FILIP1L: variants seen among roughly 807,000 people sequenced by gnomAD.
The protein encoded by FILIP1L is filamin A interacting protein 1 like.
FILIP1L carries 55 observed loss-of-function variants against 96.6 expected under a neutral mutation model. The observed-to-expected ratio is 0.57, with a 90% CI of 0.46 to 0.71. The LOEUF (loss-of-function observed/expected upper bound fraction) is 0.71. FILIP1L is among the 30% of genes least tolerant of loss of function. The probability of loss-of-function intolerance (pLI) is 0.00; values close to 1 mark genes in which losing one functional copy is unlikely to be tolerated. For missense variants in FILIP1L, 1,304 were observed against 1,321.2 expected, an observed-to-expected ratio of 0.99 and a Z score of 0.20; for synonymous variants, 467 against 473.9, an observed-to-expected ratio of 0.99 and a Z score of 0.19.
chr3:99,996,525 C>T (rs1419905244), intron 1 of FILIP1L, among the ~76,000 whole-genome samples: 1 of 152,148 alleles, frequency 6.6e-6, no homozygotes, highest in African/African-American at 2.4e-5. Flanking sequence ...AGCAATGCCC[C>T]ACTCCACCAG....
chr3:100,074,901 C>T (rs547148693), intron 1 of FILIP1L, among the ~76,000 whole-genome samples: 2 of 151,804 alleles, frequency 1.3e-5, no homozygotes, highest in African/African-American at 2.4e-5. Context: ...GCCGTGTTGG[C>T]CAGGCTGGTC....
intron 1 of FILIP1L, among the ~76,000 whole-genome samples, chr3:99,983,349 C>G (rs1709183562): frequency 7.0e-6 from 1 of 142,626 alleles, no homozygotes; most frequent in African/African-American, 2.6e-5. Flanking sequence ...GCCTGGCCAA[C>G]ATGGTGAAAC....
In FILIP1L at chr3:99,850,780, G is replaced by T. The variant is rs1438233004; in HGVS notation, c.896C>A (p.Thr299Asn). The T allele has an allele frequency of 1.2e-6, 2 of 1,614,192 alleles. No individual in the cohort carries two copies. Among genetic ancestry groups the T allele is most frequent in the Admixed American group, 1.7e-5 (1 of 60,028 alleles). Residue 299 changes from threonine (T) to asparagine (N), a missense_variant, in exon 5 of 6, where the codon ACC (threonine) becomes AAC (asparagine). Transcript: ENST00000477258. ...GTCTTGGTCTTGGTGAAACTTTGTGGTCTGCGTTTGCAGTTCCTTCTCTAG... is the reference window on the plus strand; with the variant it reads ...GTCTTGGTCTTGGTGAAACTTTGTGTTCTGCGTTTGCAGTTCCTTCTCTAG... ...TRLEKELQTQ[T>N]TKFHQDQDTI...
intron 1 of FILIP1L, among the ~76,000 whole-genome samples, chr3:99,976,695 T>C (rs192890231): frequency 3.0e-4 from 45 of 152,346 alleles, no homozygotes; most frequent in African/African-American, 9.9e-4. Context: ...TTTTCAGTAG[T>C]TTCAATATGA....
intron 4 of FILIP1L, among the ~76,000 whole-genome samples, chr3:99,899,038 G>A (rs78018229): frequency 6.6e-6 from 1 of 152,210 alleles, no homozygotes; most frequent in East Asian, 1.9e-4. Flanking sequence ...AAAAAAAAAT[G>A]TGGTTATTCC....
intron 4 of FILIP1L, among the ~76,000 whole-genome samples, chr3:99,874,997 G>A (rs1397579813): frequency 1.3e-5 from 2 of 152,096 alleles, no homozygotes; most frequent in Admixed American, 6.5e-5. Context: ...AGTTTGAATT[G>A]TATATACTTA....
At chr3:100,087,656 T>C (rs994979517) in intron 1 of FILIP1L, among the ~76,000 whole-genome samples, 1 of 152,062 alleles carries the variant, frequency 6.6e-6, no homozygotes, top group African/African-American at 2.4e-5. Flanking sequence ...ACTTGCGAGT[T>C]TTTTTCCCCA....
chr3:99,847,924 A>T, intron 5 of FILIP1L: 2 of 992,308 alleles, frequency 2.0e-6, no homozygotes, highest in Non-Finnish European at 2.4e-6. Context: ...TCAGCAAGCA[A>T]TGGTAAAAAT....
chr3:100,092,507 G>A (rs1466566298), intron 1 of FILIP1L, among the ~76,000 whole-genome samples: 1 of 151,734 alleles, frequency 6.6e-6, no homozygotes, highest in Non-Finnish European at 1.5e-5. Flanking sequence ...GGAAGTTAAG[G>A]TCTAAAGACA....
chr3:100,036,830 AC>A (rs2065116194), intron 1 of FILIP1L, among the ~76,000 whole-genome samples: 1 of 152,190 alleles, frequency 6.6e-6, no homozygotes, highest in Admixed American at 6.5e-5. Flanking sequence ...CAATAGTAGA[AC>A]AAATTGACAT....
intron 1 of FILIP1L, among the ~76,000 whole-genome samples, chr3:100,081,888 C>G (rs1049095792): frequency 1.3e-5 from 2 of 152,118 alleles, no homozygotes; most frequent in African/African-American, 4.8e-5. Flanking sequence ...TAGCACCCTC[C>G]GAGTTGTGAC....
chr3:99,982,569 C>G (rs751937944), intron 1 of FILIP1L, among the ~76,000 whole-genome samples: 1 of 152,098 alleles, frequency 6.6e-6, no homozygotes, highest in Non-Finnish European at 1.5e-5. Context: ...GTCTTTCACC[C>G]CTGGGCTCAA....
At chr3:100,047,896 G>A (rs539309493) in intron 1 of FILIP1L, among the ~76,000 whole-genome samples, 33 of 152,252 alleles carry the variant, frequency 2.2e-4, no homozygotes, top group South Asian at 1.0e-3. Context: ...ATAGGATGGA[G>A]GTAGCTTCTG....
intron 1 of FILIP1L, among the ~76,000 whole-genome samples, chr3:100,059,051 C>G (rs2065514792): frequency 6.6e-6 from 1 of 152,124 alleles, no homozygotes; most frequent in Admixed American, 6.5e-5. Context: ...TAAAGGCTAC[C>G]TTTAGGGTAA....
intron 1 of FILIP1L, among the ~76,000 whole-genome samples, chr3:99,937,863 G>C (rs962159195): frequency 6.6e-6 from 1 of 152,212 alleles, no homozygotes; most frequent in Non-Finnish European, 1.5e-5. Flanking sequence ...ACTGTTTTAA[G>C]TGCTTCAGTT....
chr3:99,860,713 C>G (rs1047691650), intron 4 of FILIP1L, among the ~76,000 whole-genome samples: 1 of 152,116 alleles, frequency 6.6e-6, no homozygotes, highest in African/African-American at 2.4e-5. Context: ...CAGGCTAGAC[C>G]TGGAAGAAGA....
intron 1 of FILIP1L, among the ~76,000 whole-genome samples, chr3:100,001,057 T>A (rs527643264): frequency 6.6e-6 from 1 of 152,148 alleles, no homozygotes; most frequent in Non-Finnish European, 1.5e-5. Context: ...ACACACACAC[T>A]CTTCCCAAAA....
At chr3:99,925,707 G>A (rs17313676) in intron 3 of FILIP1L, 2,142 of 201,754 alleles carry the variant, frequency 0.011, 19 homozygotes, top group African/African-American at 0.026. Flanking sequence ...AAGAGTGAGA[G>A]CACCAAGGAC....
At chr3:99,856,098 G>GCTGCT (rs71130096) in intron 4 of FILIP1L, among the ~76,000 whole-genome samples, 17,332 of 151,266 alleles carry the variant, frequency 0.11, 1,309 homozygotes, top group Non-Finnish European at 0.17. Flanking sequence ...TGCTGCTCTT[G>GCTGCT]CTGCTCTGCT....
Sources: gnomAD v4.1 joint callset for allele counts (sites outside exome capture counted in the v4.1 genomes callset) on GRCh38, gnomAD v4.1.1 for gene constraint, MANE v1.5 for transcripts, NCBI Gene and HGNC (gene_info 2026-07-23, HGNC 2026-07-21) for gene names.